The following SCAPER variants were observed in gnomAD, a reference collection of about 807,000 sequenced individuals.
The protein encoded by SCAPER is S phase cyclin A-associated protein in the endoplasmic reticulum.
SCAPER carries 98 observed loss-of-function variants against 182.2 expected under a neutral mutation model. The observed-to-expected ratio is 0.54, with a 90% confidence interval of 0.46 to 0.64. SCAPER has a LOEUF of 0.64. SCAPER is among the 30% of genes least tolerant of loss of function. The pLI is 0.00. For synonymous variants in SCAPER, 605 were observed against 564.6 expected, an observed-to-expected ratio of 1.07 and a Z score of -1.01; for missense variants, 1,432 against 1,690.0, an observed-to-expected ratio of 0.85 and a Z score of 2.68.
intron 14 of SCAPER, among the ~76,000 whole-genome samples, chr15:76,761,590 C>G (rs2062791480): frequency 6.6e-6 from 1 of 152,022 alleles, no homozygotes; most frequent in Non-Finnish European, 1.5e-5. Context: ...CACATTTTTG[C>G]TAATTTTCCT....
At chr15:76,629,488 A>C (rs968397287) in intron 21 of SCAPER, among the ~76,000 whole-genome samples, 2 of 152,214 alleles carry the variant, frequency 1.3e-5, no homozygotes, top group Non-Finnish European at 2.9e-5. Context: ...GAATTTTATC[A>C]ACGGCCTTTT....
intron 22 of SCAPER, among the ~76,000 whole-genome samples, chr15:76,599,011 C>T (rs1444389320): frequency 8.4e-6 from 1 of 118,388 alleles, no homozygotes; most frequent in Non-Finnish European, 2.0e-5. Context: ...CATAAGGTTA[C>T]CTGCTAGATT....
At chr15:76,733,514 T>C (rs1320942521) in intron 15 of SCAPER, 130 bp from the exon 16 acceptor site, 6 of 1,087,486 alleles carry the variant, frequency 5.5e-6, no homozygotes, top group Admixed American at 2.9e-5. Flanking sequence ...TTTGGGAGGC[T>C]GAGGAAGGCG....
intron 17 of SCAPER, among the ~76,000 whole-genome samples, chr15:76,719,098 T>C (rs565157348): frequency 6.6e-6 from 1 of 152,266 alleles, no homozygotes; most frequent in South Asian, 2.1e-4. Context: ...ATATTTGCAC[T>C]TCCATGTTTC....
chr15:76,654,703 A>C (rs2055473482), intron 21 of SCAPER, among the ~76,000 whole-genome samples: 1 of 152,204 alleles, frequency 6.6e-6, no homozygotes, highest in African/African-American at 2.4e-5. Context: ...CAGGCAGCAA[A>C]TATGAGTGGG....
intron 23 of SCAPER, among the ~76,000 whole-genome samples, chr15:76,538,049 T>TA (rs1221983822): frequency 6.6e-6 from 1 of 151,576 alleles, no homozygotes; most frequent in Non-Finnish European, 1.5e-5. Context: ...TGGTGATCAT[T>TA]AAAAAGTCAG....
In SCAPER at chr15:76,433,046, G is replaced by C. The variant is rs1291742630; in HGVS notation, c.3311+1032C>G. Among the ~76,000 whole-genome samples, 3 of 152,006 alleles carry C rather than the reference G, an allele frequency of 2.0e-5. No homozygotes were observed. In the East Asian group the frequency reaches 5.8e-4, roughly 29 times the overall value. On this transcript the variant is annotated intron_variant, in intron 26 of 31. Transcript: ENST00000563290. ...AGGTGTAAGGTATTATACTATAATG[G>C]GTACTCTATAAATGGTAGCTATTAT...
At chr15:76,541,193 G>A (rs565822700) in intron 23 of SCAPER, among the ~76,000 whole-genome samples, 8 of 125,224 alleles carry the variant, frequency 6.4e-5, no homozygotes, top group Non-Finnish European at 9.9e-5. Flanking sequence ...GGTATAACAC[G>A]TATTAATAGA....
At chr15:76,576,224 A>C (rs1235204377) in intron 22 of SCAPER, among the ~76,000 whole-genome samples, 2 of 152,106 alleles carry the variant, frequency 1.3e-5, no homozygotes. Context: ...ATTAGCTGGC[A>C]ATGGTGGCGT....
intron 29 of SCAPER, among the ~76,000 whole-genome samples, chr15:76,357,520 T>G (rs2041074148): frequency 6.6e-6 from 1 of 152,154 alleles, no homozygotes; most frequent in South Asian, 2.1e-4. Context: ...GGAATGTAAA[T>G]TAGTACAACT....
At chr15:76,860,455 G>A (rs1445415043) in intron 3 of SCAPER, among the ~76,000 whole-genome samples, 1 of 152,082 alleles carries the variant, frequency 6.6e-6, no homozygotes, top group Non-Finnish European at 1.5e-5. Flanking sequence ...AGAAAGAAAA[G>A]CTACAGGGGA....
Position 76,800,681 on chromosome 15 carries a change from A to C in SCAPER, c.495-317T>G, listed in dbSNP as rs1458734927. On this transcript the variant is annotated intron_variant, in intron 6 of 31. Transcript: ENST00000563290. Reference sequence around the variant, plus strand: ...GCTACTTACGATTTATAAGCTTCCAAATGCCCAGCTAAAAAAATGTTTAAA... The same window carrying C: ...GCTACTTACGATTTATAAGCTTCCACATGCCCAGCTAAAAAAATGTTTAAA... Among the ~76,000 whole-genome samples, 4 of 152,200 alleles carry C rather than the reference A, an allele frequency of 2.6e-5. 1 individual carries two copies. The highest frequency in any genetic ancestry group is 5.9e-5 in the Non-Finnish European group (4 of 68,032).
chr15:76,364,622 C>T (rs1009496438), intron 29 of SCAPER, among the ~76,000 whole-genome samples: 54 of 151,918 alleles, frequency 3.6e-4, no homozygotes, highest in African/African-American at 1.2e-3. Flanking sequence ...CAGAGGAATG[C>T]AAAAAAGGCT....
intron 5 of SCAPER, among the ~76,000 whole-genome samples, chr15:76,831,846 G>A (rs1390017413): frequency 6.6e-6 from 1 of 152,108 alleles, no homozygotes; most frequent in Non-Finnish European, 1.5e-5. Context: ...GCCCCCCAGG[G>A]TTAGAGTCCA....
At chr15:76,501,639 T>A (rs140220385) in intron 24 of SCAPER, among the ~76,000 whole-genome samples, 1 of 152,092 alleles carries the variant, frequency 6.6e-6, no homozygotes, top group Non-Finnish European at 1.5e-5. Context: ...CTGAGAAAAA[T>A]TAAACAGGAT....
intron 2 of SCAPER, among the ~76,000 whole-genome samples, chr15:76,863,561 C>T (rs992524269): frequency 1.3e-5 from 2 of 152,142 alleles, no homozygotes; most frequent in Non-Finnish European, 2.9e-5. Context: ...AAGTATTGTG[C>T]TTGTCCTCAA....
chr15:76,617,493 A>G (rs1490322924), intron 22 of SCAPER, among the ~76,000 whole-genome samples: 1 of 152,220 alleles, frequency 6.6e-6, no homozygotes, highest in Non-Finnish European at 1.5e-5. Flanking sequence ...GGGCTCAGCT[A>G]GATAATTCTT....
At chr15:76,791,114 A>C (rs112397644) in intron 8 of SCAPER, among the ~76,000 whole-genome samples, 59 of 152,308 alleles carry the variant, frequency 3.9e-4, no homozygotes, top group Non-Finnish European at 7.5e-4. Flanking sequence ...ATTCTTTGTA[A>C]ATTGATTTCT....
chr15:76,877,702 A>C (rs962993347), intron 2 of SCAPER, among the ~76,000 whole-genome samples: 1 of 152,210 alleles, frequency 6.6e-6, no homozygotes, highest in African/African-American at 2.4e-5. Context: ...ATCCTTCAAA[A>C]TATCTGTTCT....
Sources: gnomAD v4.1 joint callset for allele counts (sites outside exome capture counted in the v4.1 genomes callset) on GRCh38, gnomAD v4.1.1 for gene constraint, MANE v1.5 for transcripts, NCBI Gene and HGNC (gene_info 2026-07-23, HGNC 2026-07-21) for gene names.